The following LOC128125822 variants were observed in gnomAD, a reference collection of about 807,000 sequenced individuals.
At chr6:63,576,762 A>G in the LOC128125822 span, 1 of 750,212 alleles carries the variant, frequency 1.3e-6, no homozygotes, top group Admixed American at 2.9e-5. Context: ...TCATACTCAA[A>G]GCACTGAGAA....
At chr6:63,576,570 A>AT in the LOC128125822 span, 1 of 457,130 alleles carries the variant, frequency 2.2e-6, no homozygotes, top group East Asian at 3.4e-5. Context: ...AGAAGCCCCC[A>AT]TAAGAGTGGT....
chr6:63,578,013 G>A, the LOC128125822 span, among the ~76,000 whole-genome samples: 2 of 151,832 alleles, frequency 1.3e-5, no homozygotes, highest in Non-Finnish European at 2.9e-5. Context: ...AGTTTAAGGA[G>A]TGAGTATAAT....
the LOC128125822 span, chr6:63,580,452 G>A: frequency 3.4e-6 from 1 of 293,240 alleles, no homozygotes; most frequent in Non-Finnish European, 6.5e-6. Context: ...GCAGTATTGA[G>A]TTATGACTTG....
At chr6:63,576,304 A>G in the LOC128125822 span, 42 of 387,448 alleles carry the variant, frequency 1.1e-4, no homozygotes, top group African/African-American at 8.5e-4. Flanking sequence ...CAATTCAAGT[A>G]AAAGTCGATG....
chr6:63,576,452 T>C, the LOC128125822 span: 1 of 400,126 alleles, frequency 2.5e-6, no homozygotes, highest in Admixed American at 4.4e-5. Context: ...TGTGGTGTTC[T>C]TGGTCACACA....
At chr6:63,579,387 CAGTG>C in the LOC128125822 span, 2 of 1,376,648 alleles carry the variant, frequency 1.5e-6, 1 homozygote, top group South Asian at 2.5e-5. Context: ...TGTTGAGTGT[CAGTG>C]AGTTTAATAG....
At chr6:63,580,140 C>T in the LOC128125822 span, 3 of 1,612,868 alleles carry the variant, frequency 1.9e-6, no homozygotes, top group Non-Finnish European at 2.5e-6. Context: ...TTCAAAGATT[C>T]CAACGGTCAT....
the LOC128125822 span, among the ~76,000 whole-genome samples, chr6:63,574,873 T>G: frequency 6.6e-6 from 1 of 152,246 alleles, no homozygotes; most frequent in Non-Finnish European, 1.5e-5. Flanking sequence ...ACTGTAACTG[T>G]GATGGCTTTG....
At chr6:63,580,087 A>G in the LOC128125822 span, 2 of 1,613,244 alleles carry the variant, frequency 1.2e-6, no homozygotes, top group Non-Finnish European at 1.7e-6. Flanking sequence ...ACAGCAAGCA[A>G]CTTCTGTATT....
chr6:63,572,568 TGCCCCCGCCGCCGCCTGCATCGCC>T, the LOC128125822 span: 3 of 412,668 alleles, frequency 7.3e-6, no homozygotes, highest in Admixed American at 4.4e-5. Context: ...TAGAGTCTGG[TGCCCCCGCCGCCGCCTGCATCGCC>T]GCCACCGCCG....
chr6:63,576,034 A>G, the LOC128125822 span, among the ~76,000 whole-genome samples: 1 of 151,446 alleles, frequency 6.6e-6, no homozygotes, highest in Non-Finnish European at 1.5e-5. Context: ...GTATGTAATT[A>G]CAATGTAAAG....
the LOC128125822 span, chr6:63,578,560 G>A: frequency 6.3e-7 from 1 of 1,590,350 alleles, no homozygotes; most frequent in Non-Finnish European, 8.5e-7. Context: ...ATGGGTTTAT[G>A]GTGCTGTGCT....
chr6:63,578,209 T>G, the LOC128125822 span, among the ~76,000 whole-genome samples: 1 of 152,364 alleles, frequency 6.6e-6, no homozygotes, highest in African/African-American at 2.4e-5. Context: ...CTTTTCCAGT[T>G]TATTAAAAAT....
the LOC128125822 span, chr6:63,581,826 G>T: frequency 3.9e-5 from 6 of 152,180 alleles, no homozygotes; most frequent in East Asian, 1.2e-3. Flanking sequence ...TACCTTTATA[G>T]ATTTTGAAAT....
the LOC128125822 span, chr6:63,578,302 A>C: frequency 1.8e-6 from 2 of 1,133,212 alleles, no homozygotes; most frequent in Non-Finnish European, 1.1e-6. Context: ...GTTAAACATA[A>C]ATGGATTCTA....
At chr6:63,582,000 T>G in the LOC128125822 span, 1 of 152,174 alleles carries the variant, frequency 6.6e-6, no homozygotes, top group African/African-American at 2.4e-5. Flanking sequence ...AAGTAAAAAG[T>G]GATACTCCAC....
the LOC128125822 span, chr6:63,580,983 G>A: frequency 6.6e-6 from 1 of 152,270 alleles, no homozygotes; most frequent in East Asian, 1.9e-4. Flanking sequence ...CCTTTGTCTT[G>A]TGCAAACATG....
chr6:63,579,320 A>G, the LOC128125822 span: 3 of 1,602,054 alleles, frequency 1.9e-6, no homozygotes, highest in South Asian at 1.1e-5. Flanking sequence ...ATGCAGTACA[A>G]TTCATAAGAC....
At chr6:63,580,332 C>T in the LOC128125822 span, 1,964 of 624,374 alleles carry the variant, frequency 3.1e-3, 36 homozygotes, top group African/African-American at 0.032. Context: ...ATTTGGCAAC[C>T]TCTGTATTTG....
Sources: allele counts gnomAD v4.1 joint callset (sites outside exome capture counted in the v4.1 genomes callset), GRCh38; gene constraint gnomAD v4.1.1; transcripts MANE v1.5.